Variants in SNX13 observed in about 807,000 individuals in gnomAD.
SNX13 encodes the protein sorting nexin-13.
SNX13 carries 45 observed loss-of-function variants against 133.6 expected under a neutral mutation model. The observed-to-expected ratio is 0.34, with a 90% confidence interval of 0.27 to 0.43. The LOEUF (loss-of-function observed/expected upper bound fraction) is 0.43. SNX13 is among the 20% of genes least tolerant of loss of function. The probability of loss-of-function intolerance (pLI) is 1.00; values close to 1 mark genes in which losing one functional copy is unlikely to be tolerated. For missense variants in SNX13, 1,032 were observed against 1,145.1 expected, an observed-to-expected ratio of 0.90 and a Z score of 1.43; for synonymous variants, 414 against 373.9, an observed-to-expected ratio of 1.11 and a Z score of -1.24.
Position 17,839,838 on chromosome 7 carries a change from A to G in SNX13, c.1328T>C (p.Val443Ala), listed in dbSNP as rs771295535. The stretch of plus-strand genomic sequence containing the variant: ...TGATAAATACTGTTCATAAATTCCA[A>G]CAGCAGCTGCTCTTAAAAGACCTTT... ...QTKGLLRAAA[V>A]GIYEQYLSEK... The change falls in exon 13 of 26, where the codon GTT becomes GCT. Residue 443 changes from valine (V) to alanine (A), a missense_variant. By Grantham distance (64) the Val-to-Ala change is moderately conservative (BLOSUM62 0). Transcript: ENST00000428135. 2.5e-6 allele frequency: 4 copies of G among 1,610,378 alleles called. No homozygotes were observed. Among genetic ancestry groups the G allele is most frequent in the Non-Finnish European group, 3.4e-6 (4 of 1,177,928 alleles).
At chr7:17,913,232 A>C (rs962659551) in intron 1 of SNX13, among the ~76,000 whole-genome samples, 1 of 152,206 alleles carries the variant, frequency 6.6e-6, no homozygotes, top group African/African-American at 2.4e-5. Context: ...GGGACCACCA[A>C]AATCTGGGAA....
chr7:17,817,829 C>T (rs1184494331), intron 18 of SNX13, among the ~76,000 whole-genome samples: 1 of 152,138 alleles, frequency 6.6e-6, no homozygotes, highest in East Asian at 1.9e-4. Context: ...CATTAAACTA[C>T]TGACTCAATT....
At chr7:17,849,835 A>C (rs1316683271) in intron 11 of SNX13, among the ~76,000 whole-genome samples, 2 of 152,378 alleles carry the variant, frequency 1.3e-5, no homozygotes, top group Non-Finnish European at 2.9e-5. Flanking sequence ...ACTATGATCA[A>C]GTGTCATCGA....
At chr7:17,877,696 A>T (rs1794880220) in intron 5 of SNX13, among the ~76,000 whole-genome samples, 1 of 151,350 alleles carries the variant, frequency 6.6e-6, no homozygotes. Flanking sequence ...ATGTAATGAC[A>T]TTTTAAACGA....
At chr7:17,917,427 A>G (rs1799682429) in intron 1 of SNX13, among the ~76,000 whole-genome samples, 1 of 152,196 alleles carries the variant, frequency 6.6e-6, no homozygotes, top group South Asian at 2.1e-4. Context: ...ATTCTGCCAA[A>G]AGACTCCTAG....
intron 1 of SNX13, among the ~76,000 whole-genome samples, chr7:17,901,821 T>G (rs971129648): frequency 5.3e-5 from 8 of 152,208 alleles, no homozygotes; most frequent in Non-Finnish European, 8.8e-5. Flanking sequence ...TATATGTGGA[T>G]AGTTGTTCAA....
chr7:17,922,080 C>T (rs535033453), intron 1 of SNX13, among the ~76,000 whole-genome samples: 1 of 152,324 alleles, frequency 6.6e-6, no homozygotes, highest in South Asian at 2.1e-4. Flanking sequence ...CATGGTTCAC[C>T]ATTCCAACCA....
intron 13 of SNX13, among the ~76,000 whole-genome samples, chr7:17,839,127 TAATAA>T (rs968965353): frequency 2.0e-5 from 3 of 149,514 alleles, no homozygotes; most frequent in African/African-American, 4.9e-5. Context: ...ATACATTCTA[TAATAA>T]AATAATCTAT....
intron 11 of SNX13, among the ~76,000 whole-genome samples, chr7:17,848,298 C>G (rs1346053527): frequency 1.3e-5 from 2 of 152,192 alleles, no homozygotes; most frequent in Non-Finnish European, 2.9e-5. Flanking sequence ...GAACCACTTT[C>G]ATCGGCCATA....
chr7:17,825,997 A>G, intron 17 of SNX13, 25 bp downstream of exon 17: 1 of 1,427,020 alleles, frequency 7.0e-7, no homozygotes, highest in South Asian at 1.5e-5. Context: ...TTTTAATGCA[A>G]TAATTATACT....
chr7:17,799,410 A>G (rs1173179464), intron 22 of SNX13, among the ~76,000 whole-genome samples: 1 of 151,780 alleles, frequency 6.6e-6, no homozygotes, highest in East Asian at 1.9e-4. Flanking sequence ...GGCAAAGTAG[A>G]TTCATGATGG....
chr7:17,831,303 G>A (rs1053054058), intron 15 of SNX13: 42 of 948,068 alleles, frequency 4.4e-5, no homozygotes, highest in Non-Finnish European at 5.1e-5. Context: ...GACAAATAAT[G>A]TTGAGATTAA....
At chr7:17,831,810 T>C in intron 15 of SNX13, 1 of 983,008 alleles carries the variant, frequency 1.0e-6, no homozygotes, top group Non-Finnish European at 1.2e-6. Flanking sequence ...GGCCTATTTT[T>C]GATTAAATAA....
At chr7:17,891,144 T>C (rs1215682513) in intron 4 of SNX13, among the ~76,000 whole-genome samples, 1 of 152,000 alleles carries the variant, frequency 6.6e-6, no homozygotes, top group Non-Finnish European at 1.5e-5. Flanking sequence ...GCATAGTTTT[T>C]TTACCTATCT....
At chr7:17,902,249 T>C (rs1415668347) in intron 1 of SNX13, among the ~76,000 whole-genome samples, 17 of 150,840 alleles carry the variant, frequency 1.1e-4, no homozygotes, top group Non-Finnish European at 2.1e-4. Flanking sequence ...ATGGTTTTTT[T>C]TTTTTTTTTT....
Position 17,897,364 on chromosome 7 carries a change from A to G in SNX13, c.95T>C (p.Leu32Ser). 3.8e-6 allele frequency: 6 copies of G among 1,589,360 alleles called. No individual in the cohort carries two copies. The highest frequency in any genetic ancestry group is 5.1e-6 in the Non-Finnish European group (6 of 1,167,082). The change falls in exon 2 of 26, where the codon TTG becomes TCG. Residue 32 changes from leucine (L) to serine (S), a missense_variant. Physicochemically the swap from Leu to Ser is moderately radical, Grantham distance 145. Coordinates refer to ENST00000428135, the MANE Select transcript of SNX13 (RefSeq NM_015132.5). Reference sequence around the variant, plus strand: ...CACAAAGCAGAGGATATAAAATGTCAAATAAAATATTACAAAGGGTCCAAA... The same window carrying G: ...CACAAAGCAGAGGATATAAAATGTCGAATAAAATATTACAAAGGGTCCAAA... ...ITFGPFVIFY[L>S]TFYILCFVGG... is the part of the protein sequence containing the mutation.
At chr7:17,855,599 C>A (rs963147541) in intron 9 of SNX13, among the ~76,000 whole-genome samples, 1 of 152,178 alleles carries the variant, frequency 6.6e-6, no homozygotes. Context: ...AGAAATGGAA[C>A]AAGAAAGCCT....
chr7:17,910,153 A>T (rs144063117), intron 1 of SNX13, among the ~76,000 whole-genome samples: 498 of 152,284 alleles, frequency 3.3e-3, no homozygotes, highest in African/African-American at 0.011. Context: ...TTTCTTTTTG[A>T]TTATTTTCCT....
At chr7:17,813,024 G>A (rs1010780069) in intron 20 of SNX13, among the ~76,000 whole-genome samples, 6 of 152,154 alleles carry the variant, frequency 3.9e-5, no homozygotes, top group Middle Eastern at 3.4e-3. Context: ...TAGATCACAG[G>A]TTAATGGGTG....
Sources: allele counts gnomAD v4.1 joint callset (sites outside exome capture counted in the v4.1 genomes callset), GRCh38; gene constraint gnomAD v4.1.1; transcripts MANE v1.5; gene names NCBI Gene and HGNC (gene_info 2026-07-23, HGNC 2026-07-21).